Variants in TRAPPC9 observed in about 807,000 individuals in gnomAD.
The protein encoded by TRAPPC9 is IKK2 binding protein.
In TRAPPC9, 83 loss-of-function variants were observed where a neutral mutation model predicts 124.0. The observed-to-expected ratio is 0.67, with a 90% CI of 0.56 to 0.80. The LOEUF is 0.80. Among genes scored for constraint, TRAPPC9 ranks in the 30% least tolerant of loss-of-function variants. The pLI, the probability that TRAPPC9 is intolerant of heterozygous loss-of-function variation, is 0.00. For missense variants in TRAPPC9, 1,302 were observed against 1,508.3 expected (o/e 0.86, Z 2.27); for synonymous variants, 638 against 617.5 (o/e 1.03, Z -0.49).
chr8:139,847,899 A>C (rs963571508), intron 21 of TRAPPC9, among the ~76,000 whole-genome samples: 1 of 152,156 alleles, frequency 6.6e-6, no homozygotes, highest in African/African-American at 2.4e-5. Context: ...CCAAGGCAAA[A>C]AGCTCACCAC....
rs1483375367 is a variant in TRAPPC9, at chr8:140,353,915, C to T, written c.1495+6135G>A. 6.6e-6 allele frequency among the ~76,000 whole-genome samples: 1 copy of T among 152,218 alleles called. No individual in the cohort carries two copies. Among genetic ancestry groups the T allele is most frequent in the Non-Finnish European group, 1.5e-5 (1 of 68,034 alleles). Reference sequence around the variant, plus strand: ...GGGTGGGCAAACAGACCAACACCTCCACAGCCCAGCATGCTGGAAGCTCTG... The same window carrying T: ...GGGTGGGCAAACAGACCAACACCTCTACAGCCCAGCATGCTGGAAGCTCTG... On this transcript the variant is annotated intron_variant, in intron 9 of 22. Transcript: ENST00000438773. The surrounding 1 kb of genome is among the most constrained non-coding windows in gnomAD (Gnocchi z 4.2).
rs147641904 is a variant in TRAPPC9 at position 140,017,740 on chromosome 8, A to C, written c.2699+6197T>G. Among the ~76,000 whole-genome samples, 824 of 152,306 alleles carry C rather than the reference A, an allele frequency of 5.4e-3. 5 individuals carry two copies. The highest frequency in any genetic ancestry group is 0.019 in the African/African-American group (786 of 41,562). On this transcript the variant is annotated intron_variant, in intron 18 of 22. Coordinates refer to ENST00000438773, the MANE Select transcript of TRAPPC9 (RefSeq NM_001160372.4). ...TTCAAAATAATTTTATAATTCCACT[A>C]AACAAAAATCCTGCTAGGATTTTGA... is the stretch of plus-strand genomic sequence containing the variant.
At chr8:140,101,220 G>A (rs6986614) in intron 17 of TRAPPC9, among the ~76,000 whole-genome samples, 110,743 of 152,096 alleles carry the variant, frequency 0.73, 41,305 homozygotes, top group African/African-American at 0.9. Flanking sequence ...GCTAACTCCA[G>A]CCTCTGCCTC....
intron 14 of TRAPPC9, among the ~76,000 whole-genome samples, chr8:140,283,594 C>T (rs2065394402): frequency 6.6e-6 from 1 of 151,946 alleles, no homozygotes; most frequent in Non-Finnish European, 1.5e-5. Flanking sequence ...CCGCGCCAGG[C>T]CAAAATTCCC....
intron 18 of TRAPPC9, among the ~76,000 whole-genome samples, chr8:139,993,194 A>C (rs1426987280): frequency 2.6e-5 from 4 of 152,208 alleles, no homozygotes; most frequent in Non-Finnish European, 5.9e-5. Context: ...TTGAATTCTG[A>C]ATTTATAGAG....
chr8:140,457,396 G>A (rs1175967700), intron 1 of TRAPPC9, among the ~76,000 whole-genome samples: 1 of 152,208 alleles, frequency 6.6e-6, no homozygotes, highest in African/African-American at 2.4e-5. Context: ...GTCTTCAGCG[G>A]GTGTGGGACA....
At chr8:140,384,911 G>A (rs148056768) in intron 7 of TRAPPC9, among the ~76,000 whole-genome samples, 5,164 of 152,110 alleles carry the variant, frequency 0.034, 189 homozygotes, top group African/African-American at 0.091. Flanking sequence ...TTGACCACAT[G>A]GTTGGAAATA....
intron 21 of TRAPPC9, among the ~76,000 whole-genome samples, chr8:139,865,754 C>T (rs35931913): frequency 0.59 from 90,273 of 151,984 alleles, 28,407 homozygotes; most frequent in East Asian, 0.82. Flanking sequence ...ATCCGCACAG[C>T]AGAGCTGCCC....
Position 139,930,224 on chromosome 8 carries a change from T to C in TRAPPC9, c.2811-19924A>G, listed in dbSNP as rs549899697. Among the ~76,000 whole-genome samples, 7 of 152,306 alleles carry C rather than the reference T, an allele frequency of 4.6e-5. No homozygotes were observed. In the South Asian group the frequency reaches 1.5e-3, roughly 32 times the overall value. On this transcript the variant is annotated intron_variant, in intron 19 of 22. Transcript: ENST00000438773. ...TTAAGCCTTCTACGCACTATCTTAA[T>C]GCATGTTTACCCCTCCATCCCAACT...
chr8:140,207,418 A>G (rs1253947593), intron 17 of TRAPPC9, among the ~76,000 whole-genome samples: 1 of 152,212 alleles, frequency 6.6e-6, no homozygotes, highest in Admixed American at 6.5e-5. Flanking sequence ...AAATGTCCTT[A>G]CCCAAAGCAA....
intron 17 of TRAPPC9, among the ~76,000 whole-genome samples, chr8:140,103,000 C>T (rs139348585): frequency 1.1e-3 from 168 of 152,256 alleles, no homozygotes; most frequent in African/African-American, 3.8e-3. Flanking sequence ...CCTGAGCAAA[C>T]AAGCACCCAG....
At chr8:140,458,231 C>A (rs548557961), upstream of TRAPPC9, 12 of 1,550,990 alleles carry the variant, frequency 7.7e-6, no homozygotes, top group Middle Eastern at 1.8e-4. Flanking sequence ...AGCTTCTGCA[C>A]CTGGGGCGGC....
intron 17 of TRAPPC9, among the ~76,000 whole-genome samples, chr8:140,163,788 T>G (rs1474997566): frequency 6.6e-6 from 1 of 152,150 alleles, no homozygotes; most frequent in East Asian, 1.9e-4. Flanking sequence ...CATTCAGGTC[T>G]CCAAACATGG....
intron 19 of TRAPPC9, among the ~76,000 whole-genome samples, chr8:139,912,120 AAAAG>A (rs1318243112): frequency 6.6e-6 from 1 of 152,244 alleles, no homozygotes; most frequent in African/African-American, 2.4e-5. Context: ...AAAAGCATAA[AAAAG>A]AAAATAAAAG....
intron 19 of TRAPPC9, among the ~76,000 whole-genome samples, chr8:139,922,668 CCA>C (rs1478435377): frequency 6.6e-6 from 1 of 152,226 alleles, no homozygotes; most frequent in Non-Finnish European, 1.5e-5. Context: ...GCTTCCTCCC[CCA>C]GTTCCAGGTG....
chr8:140,337,134 G>A (rs550491737), intron 9 of TRAPPC9, among the ~76,000 whole-genome samples: 7 of 152,246 alleles, frequency 4.6e-5, no homozygotes, highest in African/African-American at 9.6e-5. Flanking sequence ...CCAGGCGCCC[G>A]GAACTGTAAT....
At chr8:139,895,933 C>A (rs1349496252) in intron 20 of TRAPPC9, among the ~76,000 whole-genome samples, 1 of 152,212 alleles carries the variant, frequency 6.6e-6, no homozygotes, top group Non-Finnish European at 1.5e-5. Flanking sequence ...ACAGGCCCGG[C>A]CAGGCTGAGA....
At chr8:140,322,306 T>G (rs1467029665) in intron 9 of TRAPPC9, among the ~76,000 whole-genome samples, 1 of 152,100 alleles carries the variant, frequency 6.6e-6, no homozygotes, top group African/African-American at 2.4e-5. Flanking sequence ...AAAGATGAAA[T>G]GACCCCAAGG....
rs1300936341 is a variant in TRAPPC9, at chr8:140,353,652, G to A, written c.1495+6398C>T. On this transcript the variant is annotated intron_variant, in intron 9 of 22. Transcript: ENST00000438773. This position sits in a 1 kb window ranked among gnomAD's most constrained non-coding sequence, Gnocchi z 4.2. ...AGGATGACCATCAGGCCGCGGGCCA[G>A]ACCTGGTCCATAGGCCACGGTTTGC... 1.3e-5 allele frequency among the ~76,000 whole-genome samples: 2 copies of A among 152,238 alleles called. No individual in the cohort carries two copies. The highest frequency in any genetic ancestry group is 2.9e-5 in the Non-Finnish European group (2 of 68,042).
Sources: gnomAD v4.1 joint callset for allele counts (sites outside exome capture counted in the v4.1 genomes callset) on GRCh38, gnomAD v4.1.1 for gene constraint, Gnocchi (gnomAD v3.1) non-coding constraint, MANE v1.5 for transcripts, NCBI Gene and HGNC (gene_info 2026-07-23, HGNC 2026-07-21) for gene names.